Variants in SCN9A observed in about 807,000 individuals in gnomAD.
SCN9A encodes sodium channel protein type 9 subunit alpha.
In SCN9A, 131 loss-of-function variants were observed where a neutral mutation model predicts 187.0. The observed-to-expected ratio is 0.70, with a 90% CI of 0.61 to 0.81. The LOEUF is 0.81. SCN9A is among the 30% of genes least tolerant of loss of function. The pLI, the probability that SCN9A is intolerant of heterozygous loss-of-function variation, is 0.00. For synonymous variants in SCN9A, 809 were observed against 808.6 expected, an observed-to-expected ratio of 1.00 and a Z score of -0.01; for missense variants, 2,252 against 2,396.6, an observed-to-expected ratio of 0.94 and a Z score of 1.26.
rs1005101277 is a variant in SCN9A, at chr2:166,196,769, G to C, written c.*1903C>G. ...ATGTAGTCTCGGAAAACACTGCATG[G>C]TGTCTTTCATATTAAATTAAAAAGT... On this transcript the variant is annotated 3_prime_UTR_variant, in exon 27 of 27. Transcript: ENST00000642356. 6.6e-6 allele frequency: 1 copy of C among 152,028 alleles called. No individual in the cohort carries two copies. The highest frequency in any genetic ancestry group is 2.1e-4 in the South Asian group (1 of 4,828). 9.4% of individuals were successfully genotyped at this position (152,028 alleles called of 1,614,324 possible).
At chr2:166,261,978 G>A (rs548110524) in intron 17 of SCN9A, among the ~76,000 whole-genome samples, 42 of 151,906 alleles carry the variant, frequency 2.8e-4, no homozygotes, top group South Asian at 6.2e-4. Flanking sequence ...AACATAATAA[G>A]TCATGACAAA....
intron 1 of SCN9A, among the ~76,000 whole-genome samples, chr2:166,341,458 C>T (rs1029845080): frequency 2.0e-5 from 3 of 152,184 alleles, no homozygotes; most frequent in Non-Finnish European, 4.4e-5. Flanking sequence ...CCACTTTATA[C>T]CGTCTAAGAA....
chr2:166,204,291 G>A, intron 25 of SCN9A, 66 bp from the exon 26 acceptor site: 1 of 1,557,918 alleles, frequency 6.4e-7, no homozygotes, highest in Non-Finnish European at 8.8e-7. Flanking sequence ...AGAAATTAAA[G>A]ATGTGCATTA....
rs1574894504 is a variant in SCN9A at position 166,299,364 on chromosome 2, A to G, written c.901+3726T>C. On this transcript the variant is annotated intron_variant, in intron 7 of 26. Coordinates refer to ENST00000642356, the MANE Select transcript of SCN9A (RefSeq NM_001365536.1). ...ACCTTGAACCCTACCACTTACCCAA[A>G]TTTTCTCAAGAAATTCTCTGATGAC... Among the ~76,000 whole-genome samples, 2 of 150,342 alleles carry G rather than the reference A, an allele frequency of 1.3e-5. 1 individual carries two copies. The highest frequency in any genetic ancestry group is 5.0e-5 in the African/African-American group (2 of 39,978).
chr2:166,356,716 C>A (rs1048413495), intron 1 of SCN9A, among the ~76,000 whole-genome samples: 1 of 152,092 alleles, frequency 6.6e-6, no homozygotes, highest in South Asian at 2.1e-4. Flanking sequence ...GCAAATAATA[C>A]CCTATATAAA....
At chr2:166,340,820 A>G (rs993798671) in intron 1 of SCN9A, among the ~76,000 whole-genome samples, 5 of 151,692 alleles carry the variant, frequency 3.3e-5, no homozygotes, top group African/African-American at 1.2e-4. Flanking sequence ...ATGGGGTCTT[A>G]CTATGTTGCC....
In SCN9A at chr2:166,239,245, C is replaced by T. The variant is rs577734180; in HGVS notation, c.3628-978G>A. Among the ~76,000 whole-genome samples, 398 of 145,194 alleles carry T rather than the reference C, an allele frequency of 2.7e-3. 4 individuals carry two copies. Among genetic ancestry groups the T allele is most frequent in the African/African-American group, 9.3e-3 (365 of 39,384 alleles). On this transcript the variant is annotated intron_variant, in intron 19 of 26. Transcript: ENST00000642356. ...CTCAAAAAAAAAAAAAAAAAAAAGG[C>T]TCATTGAGACACTGAAAATGATTGC...
In SCN9A at chr2:166,198,395, T is replaced by C; in HGVS notation, c.*277A>G. On this transcript the variant is annotated 3_prime_UTR_variant, in exon 27 of 27. Coordinates refer to ENST00000642356, the MANE Select transcript of SCN9A (RefSeq NM_001365536.1). ...GCAGATGTAAAAGTTTTCTACATGGTCTTCTGATTTATTAAAAACCAAAAA... is the reference window on the plus strand; with the variant it reads ...GCAGATGTAAAAGTTTTCTACATGGCCTTCTGATTTATTAAAAACCAAAAA... 2 of 298,542 alleles carry C rather than the reference T, an allele frequency of 6.7e-6. No homozygotes were observed. Among genetic ancestry groups the C allele is most frequent in the Non-Finnish European group, 1.2e-5 (2 of 163,860 alleles). The allele number at this position is 298,542 out of a possible 1,614,324, so 18.5% of individuals were successfully genotyped here.
chr2:166,314,264 A>C (rs114344033), intron 1 of SCN9A, among the ~76,000 whole-genome samples: 196 of 152,340 alleles, frequency 1.3e-3, no homozygotes, highest in African/African-American at 4.4e-3. Flanking sequence ...ACTTGTAAAG[A>C]ATGCAGTATC....
Position 166,201,746 on chromosome 2 carries a change from A to G in SCN9A, c.4775-1882T>C, listed in dbSNP as rs1467261273. ...ATACACACAATATATAGCTGAACCT[A>G]TCTCCAGAAAGCCTGTACTAATTAA... On this transcript the variant is annotated intron_variant, in intron 26 of 26. Coordinates refer to ENST00000642356, the MANE Select transcript of SCN9A (RefSeq NM_001365536.1). Among the ~76,000 whole-genome samples the G allele has an allele frequency of 2.0e-5, 3 of 151,114 alleles. No individual in the cohort carries two copies. The East Asian group carries it at 5.8e-4, about 29-fold the overall frequency.
At chr2:166,317,891 C>T (rs1699145544) in intron 1 of SCN9A, among the ~76,000 whole-genome samples, 1 of 152,022 alleles carries the variant, frequency 6.6e-6, no homozygotes, top group South Asian at 2.1e-4. Flanking sequence ...ATAAGATTAC[C>T]CTAGTGAGGA....
chr2:166,252,613 C>T (rs1288476991), intron 17 of SCN9A, among the ~76,000 whole-genome samples: 1 of 151,694 alleles, frequency 6.6e-6, no homozygotes, highest in Non-Finnish European at 1.5e-5. Flanking sequence ...AAAGTAAGCA[C>T]CACATGCAAA....
chr2:166,370,984 A>AT (rs1700547582), intron 1 of SCN9A, among the ~76,000 whole-genome samples: 1 of 152,346 alleles, frequency 6.6e-6, no homozygotes, highest in African/African-American at 2.4e-5. Flanking sequence ...CCAAGGAGAC[A>AT]TTTTAAAGAA....
At chr2:166,253,806 G>C (rs1696150256) in intron 17 of SCN9A, among the ~76,000 whole-genome samples, 1 of 151,700 alleles carries the variant, frequency 6.6e-6, no homozygotes. Context: ...GCAGTGAGAG[G>C]AATTGCTGAT....
At chr2:166,355,471 A>G (rs1288517996) in intron 1 of SCN9A, among the ~76,000 whole-genome samples, 1 of 151,666 alleles carries the variant, frequency 6.6e-6, no homozygotes, top group Non-Finnish European at 1.5e-5. Context: ...TCTTTTTTCT[A>G]TTGAAATATT....
intron 26 of SCN9A, among the ~76,000 whole-genome samples, chr2:166,200,917 T>G (rs1693479632): frequency 6.6e-6 from 1 of 152,214 alleles, no homozygotes; most frequent in Non-Finnish European, 1.5e-5. Context: ...ATTATAGGCG[T>G]GAGCCACAGT....
intron 7 of SCN9A, among the ~76,000 whole-genome samples, chr2:166,299,510 T>A (rs1312041359): frequency 6.6e-6 from 1 of 151,002 alleles, no homozygotes; most frequent in Non-Finnish European, 1.5e-5. Flanking sequence ...TTGGCTTCAT[T>A]ATTTATATCT....
chr2:166,283,853 C>A (rs1468509331), intron 12 of SCN9A, among the ~76,000 whole-genome samples: 1 of 152,094 alleles, frequency 6.6e-6, no homozygotes, highest in African/African-American at 2.4e-5. Flanking sequence ...AGACAGCCTC[C>A]GTTTCAACTT....
intron 17 of SCN9A, among the ~76,000 whole-genome samples, chr2:166,270,764 TATA>T (rs1365951701): frequency 2.6e-4 from 31 of 119,602 alleles, no homozygotes; most frequent in South Asian, 2.2e-3. Flanking sequence ...ATTTTACTGA[TATA>T]TATATATATA....
Sources: allele counts gnomAD v4.1 joint callset (sites outside exome capture counted in the v4.1 genomes callset), GRCh38; gene constraint gnomAD v4.1.1; transcripts MANE v1.5; gene names NCBI Gene and HGNC (gene_info 2026-07-23, HGNC 2026-07-21).